MAP3K7CL: variants seen among roughly 807,000 people sequenced by gnomAD.
MAP3K7CL encodes the protein MAP3K7 C-terminal like.
Under a neutral mutation model 18.6 loss-of-function variants are expected in MAP3K7CL, and 16 were observed. The observed-to-expected ratio is 0.86, with a 90% CI of 0.58 to 1.31. The LOEUF (loss-of-function observed/expected upper bound fraction) is 1.31. MAP3K7CL is among the 50% of genes most tolerant of loss of function. The pLI is 0.00. For synonymous variants in MAP3K7CL, 65 were observed against 66.8 expected (o/e 0.97, Z 0.13); for missense variants, 163 against 174.4 (o/e 0.93, Z 0.37).
chr21:29,154,590 A>T (rs2142206), intron 3 of MAP3K7CL, among the ~76,000 whole-genome samples: 11 of 152,074 alleles, frequency 7.2e-5, no homozygotes, highest in Admixed American at 7.2e-4. Flanking sequence ...CCTGTTATCC[A>T]AGCAGCCTCT....
chr21:29,118,969 A>G (rs2086548822), intron 4 of MAP3K7CL, among the ~76,000 whole-genome samples: 1 of 152,214 alleles, frequency 6.6e-6, no homozygotes, highest in Admixed American at 6.5e-5. Flanking sequence ...CACTGTCTAG[A>G]TGATGGTGCT....
chr21:29,141,269 G>A (rs973781011), intron 2 of MAP3K7CL, among the ~76,000 whole-genome samples: 7 of 152,046 alleles, frequency 4.6e-5, no homozygotes, highest in East Asian at 1.9e-4. Context: ...TAATCCCAGC[G>A]CTTTGGGAGG....
At chr21:29,151,912 C>T (rs981299607) in intron 3 of MAP3K7CL, among the ~76,000 whole-genome samples, 2 of 152,110 alleles carry the variant, frequency 1.3e-5, no homozygotes, top group African/African-American at 4.8e-5. Context: ...TATTTTATTC[C>T]AATGAAACTA....
chr21:29,153,076 G>A (rs1475436504), intron 3 of MAP3K7CL, among the ~76,000 whole-genome samples: 3 of 152,188 alleles, frequency 2.0e-5, no homozygotes, highest in African/African-American at 7.2e-5. Flanking sequence ...ATGTGGACAA[G>A]TTTGAGCATG....
Position 29,160,018 on chromosome 21 carries a change from T to G in MAP3K7CL, c.210T>G (p.His70Gln). ...ACTGCCAAATAGCAGAAGAATACCA[T>G]GAGGTCAAAAAGGAAATCACCCTGC... ...KQHCQIAEEY[H>Q]EVKKEITLLE... is the part of the protein sequence containing the mutation. The change falls in exon 4 of 5, where the codon CAT becomes CAG. Residue 70 changes from histidine to glutamine, a missense_variant. Coordinates refer to ENST00000399928, the MANE Select transcript of MAP3K7CL (RefSeq NM_001286620.2). 2 of 1,613,868 alleles carry G rather than the reference T, an allele frequency of 1.2e-6. No homozygotes were observed. The highest frequency in any genetic ancestry group is 1.1e-5 in the South Asian group (1 of 91,080).
At chr21:29,092,722 C>T in intron 4 of MAP3K7CL, 1 of 831,440 alleles carries the variant, frequency 1.2e-6, no homozygotes, top group East Asian at 2.7e-5. Context: ...CTACGACGTG[C>T]TGGGTGTTCT....
At chr21:29,133,210 A>C in intron 1 of MAP3K7CL, 96 bp from the exon 2 acceptor site, 1 of 820,824 alleles carries the variant, frequency 1.2e-6, no homozygotes, top group South Asian at 2.2e-5. Flanking sequence ...AATGCTTACT[A>C]ACCTTAATAA....
intron 4 of MAP3K7CL, among the ~76,000 whole-genome samples, chr21:29,099,085 CTTTCTTTTCT>C (rs932778727): frequency 6.6e-6 from 1 of 151,912 alleles, no homozygotes; most frequent in East Asian, 1.9e-4. Flanking sequence ...AAAATACTAG[CTTTCTTTTCT>C]TTTCTTTTCT....
chr21:29,114,490 A>G (rs2146569866), intron 4 of MAP3K7CL, among the ~76,000 whole-genome samples: 1 of 152,204 alleles, frequency 6.6e-6, no homozygotes, highest in South Asian at 2.1e-4. Flanking sequence ...TCTCGAGCTC[A>G]ATTGATCCTC....
At chr21:29,110,863 G>A (rs1223150693) in intron 4 of MAP3K7CL, among the ~76,000 whole-genome samples, 1 of 152,104 alleles carries the variant, frequency 6.6e-6, no homozygotes, top group Non-Finnish European at 1.5e-5. Context: ...TTTCATGGAT[G>A]CAATATCTTA....
intron 2 of MAP3K7CL, among the ~76,000 whole-genome samples, chr21:29,133,782 A>G (rs1025222709): frequency 1.3e-5 from 2 of 152,252 alleles, no homozygotes; most frequent in African/African-American, 2.4e-5. Flanking sequence ...TAATATGAAA[A>G]TATCACTGTT....
intron 4 of MAP3K7CL, among the ~76,000 whole-genome samples, chr21:29,171,317 T>C (rs2087821174): frequency 6.6e-6 from 1 of 152,262 alleles, no homozygotes; most frequent in Non-Finnish European, 1.5e-5. Flanking sequence ...TTTATATGCG[T>C]ATCAGTGATG....
chr21:29,088,684 A>G (rs7283225), intron 1 of MAP3K7CL, among the ~76,000 whole-genome samples: 55 of 152,342 alleles, frequency 3.6e-4, no homozygotes, highest in African/African-American at 1.3e-3. Context: ...CAGATGCCCA[A>G]TCTATAAAAT....
intron 4 of MAP3K7CL, among the ~76,000 whole-genome samples, chr21:29,094,203 C>G (rs1356775099): frequency 1.3e-5 from 2 of 152,176 alleles, no homozygotes; most frequent in East Asian, 1.9e-4. Context: ...TAGCTAGAGG[C>G]CAGAGGCTAG....
intron 4 of MAP3K7CL, among the ~76,000 whole-genome samples, chr21:29,122,678 C>T (rs188490433): frequency 2.0e-5 from 3 of 152,298 alleles, no homozygotes; most frequent in Non-Finnish European, 2.9e-5. Context: ...ACTTCTCTGC[C>T]GCTCTGCTGC....
intron 2 of MAP3K7CL, among the ~76,000 whole-genome samples, chr21:29,138,163 G>C (rs2146646352): frequency 6.6e-6 from 1 of 152,264 alleles, no homozygotes; most frequent in African/African-American, 2.4e-5. Context: ...CAAGGTTTTG[G>C]AGAACACAAA....
At chr21:29,127,137 T>C (rs1016968973), upstream of MAP3K7CL, among the ~76,000 whole-genome samples, 6 of 152,236 alleles carry the variant, frequency 3.9e-5, no homozygotes, top group Admixed American at 6.5e-5. Context: ...TACTGAGAAA[T>C]TGATATTGCA....
chr21:29,161,525 G>C (rs1374098385), intron 4 of MAP3K7CL, among the ~76,000 whole-genome samples: 1 of 151,800 alleles, frequency 6.6e-6, no homozygotes, highest in Non-Finnish European at 1.5e-5. Flanking sequence ...GGTTTTCCAA[G>C]GGTTATTAAT....
intron 2 of MAP3K7CL, among the ~76,000 whole-genome samples, chr21:29,138,676 A>G (rs1426034972): frequency 2.6e-5 from 4 of 152,250 alleles, no homozygotes; most frequent in Non-Finnish European, 5.9e-5. Flanking sequence ...AGCTTTTAAT[A>G]TTTTGTTTTT....
Sources: gnomAD v4.1 joint callset for allele counts (sites outside exome capture counted in the v4.1 genomes callset) on GRCh38, gnomAD v4.1.1 for gene constraint, MANE v1.5 for transcripts, NCBI Gene and HGNC (gene_info 2026-07-23, HGNC 2026-07-21) for gene names.